Variants in FAM193A observed in about 807,000 individuals in gnomAD.
FAM193A encodes protein FAM193A.
FAM193A carries 22 observed loss-of-function variants against 126.5 expected under a neutral mutation model. That is an observed-to-expected ratio of 0.17 (90% CI 0.12 to 0.25). FAM193A has a LOEUF of 0.25. Ranked by LOEUF, FAM193A falls within the 10% of genes least tolerant of loss-of-function variation. The pLI, the probability that FAM193A is intolerant of heterozygous loss-of-function variation, is 1.00. For missense variants in FAM193A, 1,675 were observed against 1,672.8 expected, an observed-to-expected ratio of 1.00 and a Z score of -0.02; for synonymous variants, 761 against 646.8, an observed-to-expected ratio of 1.18 and a Z score of -2.68.
At chr4:2,544,900 A>G (rs1737453459) in intron 1 of FAM193A, among the ~76,000 whole-genome samples, 1 of 152,152 alleles carries the variant, frequency 6.6e-6, no homozygotes, top group African/African-American at 2.4e-5. Flanking sequence ...TATAGATAGA[A>G]CAATTTTCCG....
At chr4:2,669,128 C>G (rs1360552510) in intron 12 of FAM193A, among the ~76,000 whole-genome samples, 1 of 152,152 alleles carries the variant, frequency 6.6e-6, no homozygotes, top group African/African-American at 2.4e-5. Flanking sequence ...CAGGCATGAG[C>G]TACCACGCCT....
chr4:2,698,659 C>T (rs1433216795), intron 18 of FAM193A, among the ~76,000 whole-genome samples: 1 of 152,200 alleles, frequency 6.6e-6, no homozygotes, highest in Non-Finnish European at 1.5e-5. Context: ...CAGAGTTTCT[C>T]ATAAGCCCCA....
chr4:2,626,431 C>T lies in FAM193A; in HGVS notation c.657C>T (p.Asp219=), dbSNP rs1400854941. The T allele has an allele frequency of 7.1e-6, 5 of 700,244 alleles. No homozygotes were observed. In the South Asian group the frequency reaches 7.4e-5, roughly 10 times the overall value. 43.4% of individuals were successfully genotyped at this position (700,244 alleles called of 1,614,324 possible). ...ACAGAGAAATTTCGGCAGAGGCGGA[C>T]CGGGAACCTCAGCAGCTGCAGAACT... ...SERREISAEA[D]REPQQLQNYW... Residue 219 remains aspartate, a synonymous_variant, in exon 4 of 21, where the codon GAC becomes GAT. Transcript: ENST00000637812.
At chr4:2,706,444 G>T (rs1043413516) in intron 19 of FAM193A, among the ~76,000 whole-genome samples, 2 of 151,690 alleles carry the variant, frequency 1.3e-5, no homozygotes, top group Admixed American at 6.6e-5. Context: ...TTACAGCCAT[G>T]CACCACCACA....
At chr4:2,715,102 G>T (rs1719401997) in intron 19 of FAM193A, among the ~76,000 whole-genome samples, 1 of 152,210 alleles carries the variant, frequency 6.6e-6, no homozygotes, top group African/African-American at 2.4e-5. Context: ...CTGCTATCCT[G>T]CCTGTTTTCA....
intron 1 of FAM193A, among the ~76,000 whole-genome samples, chr4:2,577,999 G>A (rs1739704657): frequency 6.6e-6 from 1 of 152,170 alleles, no homozygotes; most frequent in Non-Finnish European, 1.5e-5. Flanking sequence ...TAGCTACTGG[G>A]AATATAATGA....
At chr4:2,642,016 T>G (rs1577120840) in intron 6 of FAM193A, among the ~76,000 whole-genome samples, 2 of 148,860 alleles carry the variant, frequency 1.3e-5, no homozygotes, top group African/African-American at 2.5e-5. Flanking sequence ...GCGGGCCAGG[T>G]GCAGTGGCTC....
intron 1 of FAM193A, among the ~76,000 whole-genome samples, chr4:2,592,977 G>A (rs1740652883): frequency 6.6e-6 from 1 of 152,126 alleles, no homozygotes; most frequent in Non-Finnish European, 1.5e-5. Context: ...AGCTTAGGAG[G>A]ATATTGCCTC....
chr4:2,599,578 G>A (rs940461052), intron 2 of FAM193A, among the ~76,000 whole-genome samples: 1 of 152,168 alleles, frequency 6.6e-6, no homozygotes, highest in Non-Finnish European at 1.5e-5. Flanking sequence ...ACAGTTGCAC[G>A]TTGCAAATTT....
chr4:2,598,215 GT>G (rs1428828015), intron 2 of FAM193A, among the ~76,000 whole-genome samples: 1 of 152,172 alleles, frequency 6.6e-6, no homozygotes, highest in Non-Finnish European at 1.5e-5. Flanking sequence ...TGTTCCTACA[GT>G]TTTGCTTTTT....
intron 1 of FAM193A, among the ~76,000 whole-genome samples, chr4:2,571,333 T>C (rs1386413549): frequency 6.6e-6 from 1 of 152,062 alleles, no homozygotes; most frequent in Non-Finnish European, 1.5e-5. Context: ...GGTTCTAGAG[T>C]ACCAGGCAGA....
At chr4:2,678,402 G>A (rs1203514989) in intron 13 of FAM193A, among the ~76,000 whole-genome samples, 6 of 132,258 alleles carry the variant, frequency 4.5e-5, no homozygotes, top group Admixed American at 4.2e-4. Context: ...TCACTTTGTC[G>A]CCTACGCTGG....
chr4:2,681,328 A>G (rs11732673), intron 13 of FAM193A, among the ~76,000 whole-genome samples: 11,483 of 146,884 alleles, frequency 0.078, 883 homozygotes, highest in African/African-American at 0.2. Context: ...TTGTTTTTCT[A>G]TTCTCTATTT....
intron 2 of FAM193A, among the ~76,000 whole-genome samples, chr4:2,613,489 C>G (rs1348574431): frequency 1.5e-5 from 2 of 137,008 alleles, no homozygotes; most frequent in Non-Finnish European, 3.1e-5. Flanking sequence ...GAGTTTTGCT[C>G]TTTGCCCAGG....
intron 13 of FAM193A, among the ~76,000 whole-genome samples, chr4:2,684,697 C>A (rs1019105711): frequency 1.3e-5 from 2 of 152,210 alleles, no homozygotes; most frequent in Admixed American, 1.3e-4. Context: ...CTGCTGCCCC[C>A]ACACGTCACT....
rs180936981 is a variant in FAM193A at position 2,605,894 on chromosome 4, C to A, written c.501+9565C>A. 7.0e-3 allele frequency among the ~76,000 whole-genome samples: 914 copies of A among 130,740 alleles called. 9 individuals carry two copies. The highest frequency in any genetic ancestry group is 0.024 in the African/African-American group (825 of 34,472). The allele number at this position is 130,740 out of a possible 152,430, so 85.8% of individuals were successfully genotyped here. On this transcript the variant is annotated intron_variant, in intron 2 of 20. Coordinates refer to ENST00000637812, the MANE Select transcript of FAM193A (RefSeq NM_001366318.2). ...GCTGAGGCAGGAGAATCACTTGAAC[C>A]TAGGAGGTGGAGGTTGCAGTGAGCT...
At chr4:2,605,146 A>C (rs574715080) in intron 2 of FAM193A, among the ~76,000 whole-genome samples, 1 of 151,862 alleles carries the variant, frequency 6.6e-6, no homozygotes, top group South Asian at 2.1e-4. Flanking sequence ...AATCCTCATC[A>C]CTTACTGTAA....
chr4:2,591,117 C>G (rs1740547362), intron 1 of FAM193A, among the ~76,000 whole-genome samples: 1 of 151,728 alleles, frequency 6.6e-6, no homozygotes, highest in Admixed American at 6.6e-5. Context: ...GAGCAAAATT[C>G]ACAGAATAAA....
At chr4:2,678,749 C>A (rs1714746362) in intron 13 of FAM193A, among the ~76,000 whole-genome samples, 1 of 152,196 alleles carries the variant, frequency 6.6e-6, no homozygotes, top group African/African-American at 2.4e-5. Context: ...TATAGACATG[C>A]AGCTGATTTT....
Sources: allele counts gnomAD v4.1 joint callset (sites outside exome capture counted in the v4.1 genomes callset), GRCh38; gene constraint gnomAD v4.1.1; transcripts MANE v1.5; gene names NCBI Gene and HGNC (gene_info 2026-07-23, HGNC 2026-07-21).